Variants in OPCML observed in about 807,000 individuals in gnomAD.
The protein encoded by OPCML is opioid-binding protein/cell adhesion molecule.
Under a neutral mutation model 37.8 loss-of-function variants are expected in OPCML, and 13 were observed. The ratio of observed to expected loss-of-function variants is 0.34; its 90% CI spans 0.22 to 0.55. The LOEUF is 0.55. Among genes scored for constraint, OPCML ranks in the 20% least tolerant of loss-of-function variants. The pLI is 0.91. For missense variants in OPCML, 341 were observed against 435.6 expected (o/e 0.78, Z 1.93); for synonymous variants, 176 against 168.8 (o/e 1.04, Z -0.33).
intron 2 of OPCML, among the ~76,000 whole-genome samples, chr11:132,718,230 G>A (rs1356520443): frequency 1.3e-5 from 2 of 152,146 alleles, no homozygotes; most frequent in Admixed American, 1.3e-4. Context: ...AGCTCAAGCC[G>A]TGGAGCAGAC....
intron 1 of OPCML, among the ~76,000 whole-genome samples, chr11:132,971,783 C>T (rs1477609838): frequency 1.3e-5 from 2 of 152,096 alleles, no homozygotes; most frequent in Non-Finnish European, 2.9e-5. Flanking sequence ...CTTTCCCTCC[C>T]GCCTCCAAAC....
intron 1 of OPCML, among the ~76,000 whole-genome samples, chr11:133,454,163 A>T (rs1346553862): frequency 6.6e-6 from 1 of 152,230 alleles, no homozygotes; most frequent in Non-Finnish European, 1.5e-5. Context: ...AGTTCTGTGG[A>T]AATCAAGTTT....
At chr11:132,666,102 A>G (rs1222472580) in intron 2 of OPCML, among the ~76,000 whole-genome samples, 2 of 152,222 alleles carry the variant, frequency 1.3e-5, no homozygotes, top group Non-Finnish European at 2.9e-5. Flanking sequence ...ACACTGATAC[A>G]TGAGTACAAG....
At chr11:132,852,917 A>AG in intron 2 of OPCML, among the ~76,000 whole-genome samples, 1 of 152,070 alleles carries the variant, frequency 6.6e-6, no homozygotes, top group South Asian at 2.1e-4. Flanking sequence ...AAAAAAAAAA[A>AG]AAGAAGAAGA....
At chr11:132,876,887 C>T (rs920938642) in intron 2 of OPCML, among the ~76,000 whole-genome samples, 1 of 152,078 alleles carries the variant, frequency 6.6e-6, no homozygotes, top group African/African-American at 2.4e-5. Context: ...ACAGGTAAGG[C>T]TCAGGAGGGG....
intron 1 of OPCML, among the ~76,000 whole-genome samples, chr11:133,047,784 T>A (rs1420632547): frequency 6.6e-6 from 1 of 152,178 alleles, no homozygotes; most frequent in Non-Finnish European, 1.5e-5. Flanking sequence ...GAGAAAATAG[T>A]TTCATGAGAA....
chr11:132,981,044 T>G (rs1316051635), intron 1 of OPCML, among the ~76,000 whole-genome samples: 1 of 152,222 alleles, frequency 6.6e-6, no homozygotes, highest in Non-Finnish European at 1.5e-5. Context: ...TAAGTATTTC[T>G]GCCTCTAAGC....
chr11:133,291,452 G>A (rs183850120), intron 1 of OPCML, among the ~76,000 whole-genome samples: 3 of 152,156 alleles, frequency 2.0e-5, no homozygotes, highest in Non-Finnish European at 2.9e-5. Flanking sequence ...TTGGTGGTCA[G>A]CCTGCTGCTG....
chr11:132,815,304 C>A (rs1281128443), intron 2 of OPCML, among the ~76,000 whole-genome samples: 2 of 152,160 alleles, frequency 1.3e-5, no homozygotes, highest in Admixed American at 1.3e-4. Context: ...TGTCAGCCCG[C>A]TGAATATTTG....
At chr11:132,438,505 T>C (rs1005209436) in intron 4 of OPCML, among the ~76,000 whole-genome samples, 3 of 151,302 alleles carry the variant, frequency 2.0e-5, no homozygotes, top group Admixed American at 1.3e-4. Context: ...GTGTAGGACA[T>C]AGGATGTGGA....
intron 3 of OPCML, among the ~76,000 whole-genome samples, chr11:132,540,016 G>A (rs1295098455): frequency 6.6e-6 from 1 of 152,118 alleles, no homozygotes; most frequent in African/African-American, 2.4e-5. Context: ...TTTCCACTGG[G>A]AATTGTTCAC....
At position 133,174,196 on chromosome 11, in the gene OPCML, C is replaced by G. The variant is rs1408347100; in HGVS notation, c.62-231186G>C. Among the ~76,000 whole-genome samples, 1 of 152,194 alleles carries G rather than the reference C, an allele frequency of 6.6e-6. No homozygotes were observed. Among genetic ancestry groups the G allele is most frequent in the African/African-American group, 2.4e-5 (1 of 41,440 alleles). On this transcript the variant is annotated intron_variant, in intron 1 of 7. Coordinates refer to ENST00000524381, the MANE Select transcript of OPCML (RefSeq NM_001012393.5). This position sits in a 1 kb window ranked among gnomAD's most constrained non-coding sequence, Gnocchi z 4.6. ...TTGGCACAAAGAAATGCTTCCCTCC[C>G]CTACCACGACAGGAAGAAGGAAATG...
At chr11:133,072,177 T>C (rs1948549167) in intron 1 of OPCML, among the ~76,000 whole-genome samples, 1 of 106,434 alleles carries the variant, frequency 9.4e-6, no homozygotes, top group South Asian at 3.6e-4. Context: ...ATGAAAATAT[T>C]CTAGAATTAA....
intron 1 of OPCML, among the ~76,000 whole-genome samples, chr11:133,108,471 T>C (rs1241352825): frequency 6.6e-6 from 1 of 152,126 alleles, no homozygotes; most frequent in African/African-American, 2.4e-5. Flanking sequence ...AAGGAGGAAA[T>C]ACCCCTGAAG....
intron 3 of OPCML, among the ~76,000 whole-genome samples, chr11:132,544,600 C>T (rs1424126496): frequency 1.3e-5 from 2 of 152,124 alleles, no homozygotes; most frequent in African/African-American, 2.4e-5. Flanking sequence ...GTCACCAGCC[C>T]AGAAAATATT....
At chr11:132,506,442 G>A (rs1274614235) in intron 4 of OPCML, among the ~76,000 whole-genome samples, 1 of 152,094 alleles carries the variant, frequency 6.6e-6, no homozygotes, top group African/African-American at 2.4e-5. Context: ...CACCTACAAA[G>A]GAATCATAAT....
intron 4 of OPCML, among the ~76,000 whole-genome samples, chr11:132,497,184 G>C (rs558908252): frequency 9.2e-5 from 14 of 152,094 alleles, no homozygotes; most frequent in African/African-American, 1.2e-4. Flanking sequence ...AGTGGGGGCT[G>C]AATACTGAGA....
rs562539176 is a variant in OPCML at position 132,443,053 on chromosome 11, C to A, written c.506-5694G>T. Among the ~76,000 whole-genome samples the A allele has an allele frequency of 2.6e-5, 4 of 152,344 alleles. No homozygotes were observed. In the South Asian group the frequency reaches 8.3e-4, roughly 32 times the overall value. On this transcript the variant is annotated intron_variant, in intron 4 of 7. Coordinates refer to ENST00000524381, the MANE Select transcript of OPCML (RefSeq NM_001012393.5). ...GGAATGATTAAAAGTCACCTCTAAG[C>A]ATCTCCACCCTGACTGTCCTTCTAG... is the stretch of plus-strand genomic sequence containing the variant.
intron 3 of OPCML, among the ~76,000 whole-genome samples, chr11:132,600,269 A>G (rs1937759242): frequency 6.6e-6 from 1 of 152,182 alleles, no homozygotes; most frequent in East Asian, 1.9e-4. Context: ...CAGAAAAGCC[A>G]CTCACTCGGG....
Sources: allele counts gnomAD v4.1 joint callset (sites outside exome capture counted in the v4.1 genomes callset), GRCh38; gene constraint gnomAD v4.1.1; non-coding constraint Gnocchi (gnomAD v3.1); transcripts MANE v1.5; gene names NCBI Gene and HGNC (gene_info 2026-07-23, HGNC 2026-07-21).